The following ZNF695 variants were observed in gnomAD, a reference collection of about 807,000 sequenced individuals.
ZNF695 encodes zinc finger protein SBZF3.
ZNF695 carries 11 observed loss-of-function variants against 11.2 expected under a neutral mutation model. The observed-to-expected ratio is 0.98, with a 90% CI of 0.62 to 1.62. The LOEUF (loss-of-function observed/expected upper bound fraction) is 1.62. ZNF695 is among the 40% of genes most tolerant of loss of function. ZNF695 has a pLI of 0.00. For synonymous variants in ZNF695, 190 were observed against 201.4 expected, an observed-to-expected ratio of 0.94 and a Z score of 0.48; for missense variants, 559 against 590.5, an observed-to-expected ratio of 0.95 and a Z score of 0.55.
chr1:246,959,347 ATAT>A, intron 5 of ZNF695, among the ~76,000 whole-genome samples: 1 of 129,690 alleles, frequency 7.7e-6, no homozygotes, highest in Non-Finnish European at 1.6e-5. Context: ...ATATATATAT[ATAT>A]AAAATCTCTT....
chr1:246,972,133 C>A lies in ZNF695; in HGVS notation c.391-4341G>T, dbSNP rs568601887. Among the ~76,000 whole-genome samples, 32 of 152,374 alleles carry A rather than the reference C, an allele frequency of 2.1e-4. No homozygotes were observed. The South Asian group carries it at 6.4e-3, about 31-fold the overall frequency. ...AGCGCAACCATGCAGGGAGAAAGCA[C>A]TGTAGCAGGTCGGTGCTCCGCCTCC... On this transcript the variant is annotated intron_variant, in intron 4 of 5. Coordinates refer to the ZNF695 transcript ENST00000487338.
At chr1:246,990,897 T>A (rs1170426644) in intron 3 of ZNF695, among the ~76,000 whole-genome samples, 2 of 152,134 alleles carry the variant, frequency 1.3e-5, no homozygotes, top group Non-Finnish European at 2.9e-5. Context: ...ATTTAAAATT[T>A]CTTGAGACAA....
chr1:246,974,175 C>A lies in ZNF695; in HGVS notation c.391-6383G>T, dbSNP rs12119141. ...AAACAAACAAACAAAAAAAAACAAA[C>A]AAAAAACAACAACAAAAAACCTATT... On this transcript the variant is annotated intron_variant, in intron 4 of 5. Coordinates refer to the ZNF695 transcript ENST00000487338. Among the ~76,000 whole-genome samples, 966 of 147,130 alleles carry A rather than the reference C, an allele frequency of 6.6e-3. 38 individuals carry two copies. In the South Asian group the frequency reaches 0.11, roughly 17 times the overall value.
Position 246,999,937 on chromosome 1 carries a change from GCTATCCTCA to G in ZNF695, c.132_140del (p.Glu45_Ser47del). On this transcript the variant is annotated inframe_deletion, in exon 2 of 4. Coordinates refer to ENST00000339986, the MANE Select transcript of ZNF695 (RefSeq NM_020394.5). Reference sequence around the variant, plus strand: ...TGTGAAATAGGAATTGCATATTGAAGCTATCCTCACCAAGGGAGATCAGGTTTCTGTAGT... The same window carrying G: ...TGTGAAATAGGAATTGCATATTGAAGCCAAGGGAGATCAGGTTTCTGTAGT... The G allele has an allele frequency of 6.2e-7, 1 of 1,614,074 alleles. No homozygotes were observed. The highest frequency in any genetic ancestry group is 8.5e-7 in the Non-Finnish European group (1 of 1,179,978).
intron 4 of ZNF695, among the ~76,000 whole-genome samples, chr1:246,971,959 C>T (rs1287960568): frequency 6.6e-6 from 1 of 152,122 alleles, no homozygotes; most frequent in Non-Finnish European, 1.5e-5. Context: ...TGGTCTTGAA[C>T]TCCTGATCTC....
At position 246,987,421 on chromosome 1, in the gene ZNF695, G is replaced by A. The variant is rs376124959; in HGVS notation, c.1094C>T (p.Ser365Leu). ...AATTCTCCTATGTTCAGTCAGATGT[G>A]AGCTCTGGTTAAAGGCTTTTCCACA... ...EECGKAFNQS[S>L]HLTEHRRIHT... The change falls in exon 4 of 4, where the codon TCA (serine) becomes TTA (leucine). Residue 365 changes from serine to leucine, a missense_variant. Ser to Leu is a moderately radical substitution (Grantham distance 145, BLOSUM62 -2). Coordinates refer to ENST00000339986, the MANE Select transcript of ZNF695 (RefSeq NM_020394.5). 1.9e-6 allele frequency: 3 copies of A among 1,612,440 alleles called. No individual in the cohort carries two copies. The African/African-American group carries it at 4.0e-5, about 22-fold the overall frequency.
At chr1:246,965,356 CAAAA>C (rs576946423) in intron 5 of ZNF695, among the ~76,000 whole-genome samples, 6 of 67,458 alleles carry the variant, frequency 8.9e-5, no homozygotes, top group Admixed American at 1.8e-4. Context: ...GACTCTGTCT[CAAAA>C]AAAAAAAAAA....
intron 5 of ZNF695, among the ~76,000 whole-genome samples, chr1:246,953,971 A>G (rs1667931654): frequency 6.6e-6 from 1 of 151,946 alleles, no homozygotes; most frequent in South Asian, 2.1e-4. Flanking sequence ...AGAAACCCGA[A>G]AAACAAAGAA....
intron 5 of ZNF695, among the ~76,000 whole-genome samples, chr1:246,965,344 G>C (rs1221896457): frequency 7.1e-6 from 1 of 141,214 alleles, no homozygotes; most frequent in African/African-American, 2.7e-5. Context: ...GTGACAGAGA[G>C]AGACTCTGTC....
intron 1 of ZNF695, among the ~76,000 whole-genome samples, chr1:247,006,933 A>G (rs1176490439): frequency 6.6e-6 from 1 of 152,226 alleles, no homozygotes; most frequent in Admixed American, 6.5e-5. Flanking sequence ...GTAAATTGCA[A>G]ACTTGGAGAA....
At chr1:246,947,127 G>A (rs79778665) in intron 5 of ZNF695, among the ~76,000 whole-genome samples, 50,286 of 129,908 alleles carry the variant, frequency 0.39, 10,128 homozygotes, top group East Asian at 0.51. Context: ...GCGACAAAGC[G>A]AGACTCCGTC....
Position 246,987,399 on chromosome 1 carries a change from TCTC to T in ZNF695, c.1113_1115del (p.Arg372del). ...TGTATGGTTTCTCACCAGTATGAAT[TCTC>T]CTATGTTCAGTCAGATGTGAGCTCT... On this transcript the variant is annotated inframe_deletion, in exon 4 of 4. Coordinates refer to ENST00000339986, the MANE Select transcript of ZNF695 (RefSeq NM_020394.5). 6.2e-7 allele frequency: 1 copy of T among 1,612,618 alleles called. No individual in the cohort carries two copies. Among genetic ancestry groups the T allele is most frequent in the Non-Finnish European group, 8.5e-7 (1 of 1,179,530 alleles).
At chr1:246,981,346 A>T (rs1197765338), downstream of ZNF695, among the ~76,000 whole-genome samples, 1 of 152,234 alleles carries the variant, frequency 6.6e-6, no homozygotes, top group Non-Finnish European at 1.5e-5. Flanking sequence ...TCAAAATAGA[A>T]CTACCATATG....
At chr1:247,004,252 T>G (rs1198957962) in intron 1 of ZNF695, among the ~76,000 whole-genome samples, 1 of 152,122 alleles carries the variant, frequency 6.6e-6, no homozygotes, top group Admixed American at 6.6e-5. Flanking sequence ...GATGACCAAG[T>G]GGGATTTATC....
At chr1:246,968,349 C>T (rs1668339854) in intron 4 of ZNF695, 1 of 152,266 alleles carries the variant, frequency 6.6e-6, no homozygotes, top group Non-Finnish European at 1.5e-5. Flanking sequence ...TGTCTAACAT[C>T]CAGGCCACAC....
At chr1:246,985,225 G>T, downstream of ZNF695, 1 of 876,288 alleles carries the variant, frequency 1.1e-6, no homozygotes, top group Non-Finnish European at 1.4e-6. Context: ...AAAACTAAAA[G>T]CATGTATATG....
At chr1:246,960,971 A>C (rs917995723) in intron 5 of ZNF695, among the ~76,000 whole-genome samples, 1 of 152,184 alleles carries the variant, frequency 6.6e-6, no homozygotes, top group African/African-American at 2.4e-5. Context: ...TGTAAAAGTA[A>C]AGAATCTATG....
chr1:247,006,725 T>C (rs772333536), intron 1 of ZNF695, among the ~76,000 whole-genome samples: 2 of 152,218 alleles, frequency 1.3e-5, no homozygotes, highest in Non-Finnish European at 2.9e-5. Context: ...CAAGATTTCC[T>C]TCAGGCCCTA....
At chr1:247,003,860 T>G (rs1440053826) in intron 1 of ZNF695, among the ~76,000 whole-genome samples, 2 of 152,236 alleles carry the variant, frequency 1.3e-5, no homozygotes, top group African/African-American at 4.8e-5. Context: ...ACTGTTTCAT[T>G]AGAACTATAT....
Sources: gnomAD v4.1 joint callset for allele counts (sites outside exome capture counted in the v4.1 genomes callset) on GRCh38, gnomAD v4.1.1 for gene constraint, MANE v1.5 for transcripts, NCBI Gene and HGNC (gene_info 2026-07-23, HGNC 2026-07-21) for gene names.